The following SDK1 variants were observed in gnomAD, a reference collection of about 807,000 sequenced individuals.
SDK1 encodes the protein protein sidekick-1.
A neutral mutation model predicts 245.5 loss-of-function variants in SDK1; 157 were observed. The observed-to-expected ratio is 0.64, with a 90% CI of 0.56 to 0.73. SDK1 has a LOEUF of 0.73. Among genes scored for constraint, SDK1 ranks in the 30% least tolerant of loss-of-function variants. The pLI is 0.00. For missense variants in SDK1, 3,583 were observed against 3,002.3 expected, an observed-to-expected ratio of 1.19 and a Z score of -4.52; for synonymous variants, 1,647 against 1,278.5, an observed-to-expected ratio of 1.29 and a Z score of -6.15.
chr7:3,764,794 A>C (rs963358481), intron 4 of SDK1, among the ~76,000 whole-genome samples: 1 of 152,218 alleles, frequency 6.6e-6, no homozygotes, highest in Non-Finnish European at 1.5e-5. Flanking sequence ...TTCATAATGA[A>C]TATGTATTTT....
intron 5 of SDK1, among the ~76,000 whole-genome samples, chr7:3,847,709 A>G (rs1562487306): frequency 1.3e-5 from 2 of 152,246 alleles, no homozygotes; most frequent in Non-Finnish European, 2.9e-5. Flanking sequence ...AGGATATTAA[A>G]TTCATTTTGT....
At chr7:3,351,967 A>G (rs1042538168) in intron 1 of SDK1, among the ~76,000 whole-genome samples, 12 of 152,072 alleles carry the variant, frequency 7.9e-5, no homozygotes, top group Non-Finnish European at 1.5e-5. Context: ...CATTGATTAC[A>G]TATAGGAATA....
intron 4 of SDK1, among the ~76,000 whole-genome samples, chr7:3,810,117 C>A (rs187790579): frequency 1.1e-4 from 17 of 152,134 alleles, no homozygotes; most frequent in African/African-American, 3.9e-4. Flanking sequence ...GAATTGACTG[C>A]TGTTTGCAGA....
intron 1 of SDK1, among the ~76,000 whole-genome samples, chr7:3,379,764 C>A (rs1025838324): frequency 4.0e-5 from 6 of 151,370 alleles, no homozygotes; most frequent in Admixed American, 6.6e-5. Context: ...TACATATAGG[C>A]TGAACATCCC....
chr7:3,373,642 T>A (rs1378305052), intron 1 of SDK1, among the ~76,000 whole-genome samples: 2 of 152,018 alleles, frequency 1.3e-5, no homozygotes, highest in African/African-American at 4.8e-5. Context: ...TGTTCTTTTT[T>A]TTTTTGGATG....
chr7:3,702,476 G>A (rs1784767255), intron 4 of SDK1, among the ~76,000 whole-genome samples: 1 of 152,136 alleles, frequency 6.6e-6, no homozygotes, highest in Non-Finnish European at 1.5e-5. Context: ...ACATGAATAA[G>A]CACCCCTCTC....
At chr7:3,875,587 T>C (rs1485933381) in intron 5 of SDK1, among the ~76,000 whole-genome samples, 1 of 152,188 alleles carries the variant, frequency 6.6e-6, no homozygotes, top group Non-Finnish European at 1.5e-5. Flanking sequence ...CACTTCAGCT[T>C]CTTCTCCATC....
intron 1 of SDK1, among the ~76,000 whole-genome samples, chr7:3,570,674 G>A (rs184501467): frequency 1.3e-5 from 2 of 152,208 alleles, no homozygotes; most frequent in Admixed American, 6.5e-5. Context: ...TGTCACAGTC[G>A]CAGATGGCAG....
intron 4 of SDK1, among the ~76,000 whole-genome samples, chr7:3,702,055 T>C (rs1045820423): frequency 9.2e-5 from 14 of 151,928 alleles, no homozygotes; most frequent in Non-Finnish European, 2.1e-4. Context: ...TTCAGAAGAA[T>C]AAACCTCTGG....
chr7:3,875,447 A>G (rs1253094853), intron 5 of SDK1, among the ~76,000 whole-genome samples: 1 of 152,166 alleles, frequency 6.6e-6, no homozygotes, highest in Non-Finnish European at 1.5e-5. Context: ...CCAGATCACA[A>G]ATTAAACTGT....
intron 21 of SDK1, 120 bp downstream of exon 21, chr7:4,077,309 C>A: frequency 1.1e-6 from 1 of 931,050 alleles, no homozygotes; most frequent in Non-Finnish European, 1.6e-6. Context: ...GAGTAGTGGC[C>A]TCCTGCCAAG....
At chr7:3,621,153 C>T (rs943952348) in intron 2 of SDK1, among the ~76,000 whole-genome samples, 9 of 152,104 alleles carry the variant, frequency 5.9e-5, no homozygotes, top group African/African-American at 2.2e-4. Context: ...CAGCATTATA[C>T]ATTATTACCA....
chr7:4,182,489 G>C (rs533541030), intron 35 of SDK1, among the ~76,000 whole-genome samples: 2 of 152,328 alleles, frequency 1.3e-5, no homozygotes, highest in South Asian at 4.1e-4. Flanking sequence ...GAGAGCAGCT[G>C]GGGAAACCCT....
At chr7:4,229,742 A>T (rs937906390) in intron 40 of SDK1, among the ~76,000 whole-genome samples, 6 of 152,218 alleles carry the variant, frequency 3.9e-5, no homozygotes, top group Non-Finnish European at 7.3e-5. Flanking sequence ...CACCCAGTTT[A>T]TAAGAGTCTG....
Position 3,612,329 on chromosome 7 carries a change from A to G in SDK1, c.299-6751A>G, listed in dbSNP as rs187941266. Reference sequence around the variant, plus strand: ...TTTGCATATTTAACTAGAGTGGCACATATCTAGTTATCTATTTAAACCTCA... The same window carrying G: ...TTTGCATATTTAACTAGAGTGGCACGTATCTAGTTATCTATTTAAACCTCA... On this transcript the variant is annotated intron_variant, in intron 1 of 44. Coordinates refer to ENST00000404826, the MANE Select transcript of SDK1 (RefSeq NM_152744.4). Among the ~76,000 whole-genome samples the G allele has an allele frequency of 2.6e-3, 396 of 152,366 alleles. 3 individuals carry two copies. Among genetic ancestry groups the G allele is most frequent in the African/African-American group, 9.3e-3 (387 of 41,592 alleles).
chr7:3,576,502 T>C (rs1043193409), intron 1 of SDK1, among the ~76,000 whole-genome samples: 5 of 152,110 alleles, frequency 3.3e-5, no homozygotes, highest in African/African-American at 7.2e-5. Context: ...TGCTCCTTGC[T>C]ATGTTTGCCT....
intron 19 of SDK1, among the ~76,000 whole-genome samples, chr7:4,066,857 G>T (rs181231125): frequency 2.4e-4 from 37 of 152,336 alleles, no homozygotes; most frequent in Admixed American, 2.0e-3. Context: ...CTCTGCGCCT[G>T]TGGCCGCCCT....
chr7:3,734,961 G>A (rs758274841), intron 4 of SDK1, among the ~76,000 whole-genome samples: 4 of 151,958 alleles, frequency 2.6e-5, no homozygotes, highest in Admixed American at 1.3e-4. Context: ...TCATTCTCCC[G>A]ACGTGCACAT....
At chr7:3,528,803 A>G (rs996567388) in intron 1 of SDK1, among the ~76,000 whole-genome samples, 5 of 152,104 alleles carry the variant, frequency 3.3e-5, no homozygotes, top group African/African-American at 1.2e-4. Context: ...TGTGCTATTT[A>G]TGAAAAAGTG....
Sources: gnomAD v4.1 joint callset for allele counts (sites outside exome capture counted in the v4.1 genomes callset) on GRCh38, gnomAD v4.1.1 for gene constraint, MANE v1.5 for transcripts, NCBI Gene and HGNC (gene_info 2026-07-23, HGNC 2026-07-21) for gene names.